Variants in MICU2 observed in about 807,000 individuals in gnomAD.
The protein encoded by MICU2 is calcium uptake protein 2, mitochondrial.
MICU2 carries 64 observed loss-of-function variants against 60.4 expected under a neutral mutation model. The observed-to-expected ratio is 1.06, with a 90% CI of 0.87 to 1.31. The LOEUF is 1.31. Ranked by LOEUF, MICU2 falls within the 50% of genes most tolerant of loss-of-function variation. MICU2 has a pLI of 0.00. For synonymous variants in MICU2, 201 were observed against 175.0 expected (o/e 1.15, Z -1.17); for missense variants, 569 against 531.0 (o/e 1.07, Z -0.70).
chr13:21,603,941 G>A lies in MICU2; in HGVS notation c.208C>T (p.Gln70Ter), dbSNP rs1566175592. The change falls in exon 1 of 12, where the codon CAG (glutamine) becomes TAG (stop). Residue 70 changes from glutamine (Q) to a stop codon, truncating the protein, a stop_gained and splice_region_variant. Coordinates refer to ENST00000382374, the MANE Select transcript of MICU2 (RefSeq NM_152726.3). LOFTEE classifies it high-confidence loss of function. ...ARDGSFTVSA[Q>*]KNVEHGIIYI... ...AGCAGAAGGAGTTAGTCCTGTACCT[G>A]TGCGGAGACTGTAAAACTGCCATCC... The A allele has an allele frequency of 1.2e-6, 2 of 1,612,378 alleles. No homozygotes were observed. The highest frequency in any genetic ancestry group is 1.1e-5 in the South Asian group (1 of 91,064).
intron 2 of MICU2, among the ~76,000 whole-genome samples, chr13:21,557,270 G>A (rs1887730330): frequency 1.3e-5 from 2 of 152,280 alleles, no homozygotes; most frequent in Middle Eastern, 3.4e-3. Flanking sequence ...GAATAAGAAT[G>A]AAGGTCACTG....
intron 2 of MICU2, among the ~76,000 whole-genome samples, chr13:21,541,310 C>T (rs1455603995): frequency 6.6e-6 from 1 of 152,018 alleles, no homozygotes; most frequent in Non-Finnish European, 1.5e-5. Flanking sequence ...TGTTTGCTTC[C>T]CTCCAGCTAG....
chr13:21,498,529 C>T (rs1465898749), intron 9 of MICU2, among the ~76,000 whole-genome samples: 1 of 152,090 alleles, frequency 6.6e-6, no homozygotes, highest in Non-Finnish European at 1.5e-5. Context: ...CAGGCACCCA[C>T]CACCACGTCC....
chr13:21,537,341 T>C (rs1208037023), intron 4 of MICU2, among the ~76,000 whole-genome samples: 1 of 152,172 alleles, frequency 6.6e-6, no homozygotes, highest in Non-Finnish European at 1.5e-5. Context: ...CTATGTTCTC[T>C]TCTAGTCCTT....
chr13:21,532,805 G>C (rs1365369192), intron 4 of MICU2, among the ~76,000 whole-genome samples: 1 of 152,168 alleles, frequency 6.6e-6, no homozygotes, highest in East Asian at 1.9e-4. Flanking sequence ...TGTCCACGGT[G>C]GAGTGGGTAC....
At position 21,604,090 on chromosome 13, in the gene MICU2, C is replaced by T. The variant is rs754322914; in HGVS notation, c.59G>A (p.Arg20Gln). 42 of 1,594,660 alleles carry T rather than the reference C, an allele frequency of 2.6e-5. No individual in the cohort carries two copies. The highest frequency in any genetic ancestry group is 9.0e-5 in the South Asian group (8 of 89,274). The change falls in exon 1 of 12, where the codon CGG becomes CAG. Residue 20 changes from arginine to glutamine, a missense_variant. Arg to Gln is a conservative substitution (Grantham distance 43). Transcript: ENST00000382374. ...RVAAWGGKLRRGLAVSRQAVR... is the reference protein window; with the variant it reads ...RVAAWGGKLRQGLAVSRQAVR... ...AGCCTGTCGGCTGACAGCGAGCCCCCGTCGCAGTTTTCCGCCCCAGGCCGC... is the reference window on the plus strand; with the variant it reads ...AGCCTGTCGGCTGACAGCGAGCCCCTGTCGCAGTTTTCCGCCCCAGGCCGC...
chr13:21,576,409 T>TG (rs931212177), intron 1 of MICU2, among the ~76,000 whole-genome samples: 9 of 152,054 alleles, frequency 5.9e-5, no homozygotes, highest in African/African-American at 1.7e-4. Flanking sequence ...GTGGTGCTAT[T>TG]GGGGGGCTGA....
Position 21,562,442 on chromosome 13 carries a change from T to A in MICU2, c.358+4355A>T, listed in dbSNP as rs1593346082. Among the ~76,000 whole-genome samples, 5 of 65,010 alleles carry A rather than the reference T, an allele frequency of 7.7e-5. No homozygotes were observed. The South Asian group carries it at 3.0e-3, about 39-fold the overall frequency. 42.6% of individuals were successfully genotyped at this position (65,010 alleles called of 152,430 possible). A position where few individuals can be genotyped will look rare whatever the true frequency, so the allele number is the denominator to read the frequency against. Reference sequence around the variant, plus strand: ...ACTATTGCACTTGAGTTTTGTTTCATTTTTTTTGTCTTCCACTCTTTTTTT... The same window carrying A: ...ACTATTGCACTTGAGTTTTGTTTCAATTTTTTTGTCTTCCACTCTTTTTTT... On this transcript the variant is annotated intron_variant, in intron 2 of 11. Coordinates refer to ENST00000382374, the MANE Select transcript of MICU2 (RefSeq NM_152726.3).
At chr13:21,593,571 CA>C (rs71093338) in intron 1 of MICU2, among the ~76,000 whole-genome samples, 131 of 63,030 alleles carry the variant, frequency 2.1e-3, no homozygotes, top group African/African-American at 7.9e-3. Context: ...CAATCCTAAG[CA>C]AAAAAAAAAA....
At chr13:21,504,715 T>C (rs151133598) in intron 8 of MICU2, among the ~76,000 whole-genome samples, 2 of 152,288 alleles carry the variant, frequency 1.3e-5, no homozygotes, top group Non-Finnish European at 1.5e-5. Context: ...TGTTTTTCCT[T>C]ATTGGAATTG....
chr13:21,510,997 G>A (rs1886415494), intron 7 of MICU2, among the ~76,000 whole-genome samples: 1 of 152,112 alleles, frequency 6.6e-6, no homozygotes, highest in Non-Finnish European at 1.5e-5. Flanking sequence ...GTGAAGAAGG[G>A]CTTCAACGGC....
chr13:21,604,119 C>T lies in MICU2; in HGVS notation c.30G>A (p.Arg10=), dbSNP rs9509812. The T allele has an allele frequency of 0.24, 383,552 of 1,574,858 alleles. 52,499 individuals are homozygous for T. The highest frequency in any genetic ancestry group is 0.28 in the Non-Finnish European group (331,149 of 1,162,382). ...GCAGTTTTCCGCCCCAGGCCGCCAC[C>T]CGCGCGCAGCTACCCGCAGCCGCCG... MAAAAGSCA[R]VAAWGGKLRR... The change falls in exon 1 of 12, where the codon CGG becomes CGA. Residue 10 remains arginine, a synonymous_variant. Coordinates refer to ENST00000382374, the MANE Select transcript of MICU2 (RefSeq NM_152726.3).
intron 6 of MICU2, among the ~76,000 whole-genome samples, chr13:21,517,791 ACACACACACG>A (rs777735697): frequency 3.1e-5 from 3 of 97,948 alleles, no homozygotes; most frequent in African/African-American, 1.1e-4. Context: ...ACACACACAC[ACACACACACG>A]CGCGCGCGCG....
At chr13:21,520,597 G>A (rs1187513639) in intron 6 of MICU2, among the ~76,000 whole-genome samples, 1 of 151,378 alleles carries the variant, frequency 6.6e-6, no homozygotes, top group Non-Finnish European at 1.5e-5. Context: ...CACTGCAATC[G>A]ATTAAAAACA....
intron 1 of MICU2, among the ~76,000 whole-genome samples, chr13:21,597,608 G>C (rs1342226427): frequency 6.6e-6 from 1 of 152,122 alleles, no homozygotes; most frequent in African/African-American, 2.4e-5. Context: ...ATTCTAGTAA[G>C]GGGAGACGAA....
intron 9 of MICU2, among the ~76,000 whole-genome samples, chr13:21,500,581 C>G (rs1482363891): frequency 6.6e-6 from 1 of 151,332 alleles, no homozygotes. Context: ...TGCCCGGCTA[C>G]TTTTTTTTGT....
chr13:21,557,865 C>T (rs951395060), intron 2 of MICU2, among the ~76,000 whole-genome samples: 1 of 152,132 alleles, frequency 6.6e-6, no homozygotes, highest in Non-Finnish European at 1.5e-5. Flanking sequence ...AAAGTGGAAA[C>T]ATTATAATCT....
chr13:21,521,726 TTA>T (rs576088865), intron 5 of MICU2, among the ~76,000 whole-genome samples: 290 of 152,366 alleles, frequency 1.9e-3, no homozygotes, highest in Admixed American at 4.6e-3. Flanking sequence ...TGCAATCATT[TTA>T]GACTTATGGA....
intron 4 of MICU2, among the ~76,000 whole-genome samples, chr13:21,531,737 T>C (rs1184411564): frequency 6.6e-6 from 1 of 152,156 alleles, no homozygotes; most frequent in Admixed American, 6.5e-5. Flanking sequence ...AGTGGTTCCA[T>C]CAGAGCTGGT....
Sources: gnomAD v4.1 joint callset for allele counts (sites outside exome capture counted in the v4.1 genomes callset) on GRCh38, gnomAD v4.1.1 for gene constraint, MANE v1.5 for transcripts, NCBI Gene and HGNC (gene_info 2026-07-23, HGNC 2026-07-21) for gene names.